CSNK1G3: variants seen among roughly 807,000 people sequenced by gnomAD.
CSNK1G3 encodes casein kinase 1 gamma 3.
A neutral mutation model predicts 64.3 loss-of-function variants in CSNK1G3; 23 were observed. That is an observed-to-expected ratio of 0.36 (90% confidence interval 0.26 to 0.51). The LOEUF (loss-of-function observed/expected upper bound fraction) is 0.51, where lower values mean the gene tolerates loss of function less well. CSNK1G3 is among the 20% of genes least tolerant of loss of function. The pLI is 0.96. For missense variants in CSNK1G3, 357 were observed against 510.5 expected, an observed-to-expected ratio of 0.70 and a Z score of 2.90; for synonymous variants, 158 against 162.2, an observed-to-expected ratio of 0.97 and a Z score of 0.20.
At chr5:123,568,632 T>G (rs542741377) in intron 4 of CSNK1G3, among the ~76,000 whole-genome samples, 1 of 152,352 alleles carries the variant, frequency 6.6e-6, no homozygotes, top group South Asian at 2.1e-4. Context: ...TCAGCTTTGA[T>G]GATTGCCCTC....
intron 1 of CSNK1G3, among the ~76,000 whole-genome samples, chr5:123,533,686 T>A (rs1463808319): frequency 6.6e-6 from 1 of 151,982 alleles, no homozygotes; most frequent in Non-Finnish European, 1.5e-5. Context: ...CATTATTTTC[T>A]TATATATTTA....
chr5:123,514,038 T>C (rs985816374), intron 1 of CSNK1G3, among the ~76,000 whole-genome samples: 10 of 152,226 alleles, frequency 6.6e-5, no homozygotes, highest in African/African-American at 9.6e-5. Context: ...TTATGGACAT[T>C]GGAAGAAAGA....
chr5:123,527,838 T>A (rs1282665670), intron 1 of CSNK1G3, among the ~76,000 whole-genome samples: 1 of 152,142 alleles, frequency 6.6e-6, no homozygotes, highest in Non-Finnish European at 1.5e-5. Context: ...TTATTTTAGG[T>A]TTTTTTCTTT....
At chr5:123,529,094 A>G (rs1220016206) in intron 1 of CSNK1G3, among the ~76,000 whole-genome samples, 7 of 152,114 alleles carry the variant, frequency 4.6e-5, no homozygotes, top group African/African-American at 7.2e-5. Context: ...AGTGCAAGAG[A>G]GGTGTGATAA....
intron 10 of CSNK1G3, among the ~76,000 whole-genome samples, chr5:123,593,808 A>G (rs1792897605): frequency 6.6e-6 from 1 of 152,224 alleles, no homozygotes; most frequent in East Asian, 1.9e-4. Flanking sequence ...GTGCCAGAAC[A>G]TGTATTCATG....
At chr5:123,591,172 C>A in intron 9 of CSNK1G3, 147 bp from the exon 10 acceptor site, 1 of 447,172 alleles carries the variant, frequency 2.2e-6, no homozygotes, top group Admixed American at 4.2e-5. Context: ...GCTTTAACAA[C>A]ATATTTTGAT....
chr5:123,600,806 G>C (rs1290396649), intron 10 of CSNK1G3, among the ~76,000 whole-genome samples: 1 of 151,752 alleles, frequency 6.6e-6, no homozygotes, highest in Non-Finnish European at 1.5e-5. Flanking sequence ...GATTTGTCAG[G>C]CATCTGTTAA....
intron 6 of CSNK1G3, among the ~76,000 whole-genome samples, chr5:123,586,855 C>A (rs967077919): frequency 6.6e-6 from 1 of 152,168 alleles, no homozygotes; most frequent in Non-Finnish European, 1.5e-5. Context: ...AATGGACTTA[C>A]AGTTCCACAT....
exon 13 of CSNK1G3, chr5:123,616,439 ATATT>A (rs1482069895): frequency 6.6e-6 from 1 of 152,628 alleles, no homozygotes; most frequent in Non-Finnish European, 1.5e-5. Context: ...GAAGGTGTGT[ATATT>A]AATCCAATTA....
At chr5:123,606,270 A>G (rs1238412609) in intron 12 of CSNK1G3, among the ~76,000 whole-genome samples, 2 of 152,122 alleles carry the variant, frequency 1.3e-5, no homozygotes, top group African/African-American at 2.4e-5. Flanking sequence ...ATATACTTGT[A>G]TATTTTTATG....
In CSNK1G3 at chr5:123,588,029, T is replaced by C. The variant is rs771972676; in HGVS notation, c.674-39T>C. The C allele has an allele frequency of 1.1e-5, 15 of 1,318,326 alleles. No homozygotes were observed. In the East Asian group the frequency reaches 3.6e-4, roughly 31 times the overall value. 81.7% of individuals were successfully genotyped at this position (1,318,326 alleles called of 1,614,324 possible). A position where few individuals can be genotyped will look rare whatever the true frequency, so the allele number is the denominator to read the frequency against. On this transcript the variant is annotated intron_variant, in intron 6 of 12. Coordinates refer to ENST00000345990, the Ensembl canonical transcript of CSNK1G3. ...CTCTCCATTCTTCCATTCTTAACTG[T>C]TAGAGAAAAGTGAAATTTATATTTC...
At chr5:123,603,642 A>C (rs1794862751) in intron 10 of CSNK1G3, among the ~76,000 whole-genome samples, 1 of 152,168 alleles carries the variant, frequency 6.6e-6, no homozygotes, top group African/African-American at 2.4e-5. Context: ...TCAGCATAGA[A>C]ATTTTTAGCT....
chr5:123,565,203 G>A (rs989542699), intron 4 of CSNK1G3, among the ~76,000 whole-genome samples: 1 of 152,120 alleles, frequency 6.6e-6, no homozygotes, highest in Non-Finnish European at 1.5e-5. Flanking sequence ...CATATCTTCT[G>A]CATTTAATAC....
intron 6 of CSNK1G3, among the ~76,000 whole-genome samples, chr5:123,578,004 A>G (rs1789516484): frequency 6.6e-6 from 1 of 152,026 alleles, no homozygotes; most frequent in Non-Finnish European, 1.5e-5. Context: ...AATGTCTTTA[A>G]GATTCATTTA....
In CSNK1G3 at chr5:123,535,070, G is replaced by A. The variant is rs144831293; in HGVS notation, c.-247-10347G>A. On this transcript the variant is annotated intron_variant, in intron 1 of 12. Transcript: ENST00000345990. ...ATTGGTAATAAAAAATAAGTACGAT[G>A]TAGCGGTAGGTTATGTGTGTGGCAC... is the stretch of plus-strand genomic sequence containing the variant. 6.0e-3 allele frequency among the ~76,000 whole-genome samples: 907 copies of A among 152,230 alleles called. 8 individuals carry two copies. Among genetic ancestry groups the A allele is most frequent in the Middle Eastern group, 0.014 (4 of 294 alleles).
chr5:123,568,778 A>C (rs1261775692), intron 4 of CSNK1G3, among the ~76,000 whole-genome samples: 1 of 152,202 alleles, frequency 6.6e-6, no homozygotes, highest in Non-Finnish European at 1.5e-5. Flanking sequence ...TGCATTGCTG[A>C]TGTTGCATGT....
chr5:123,609,005 G>C (rs1795844829), intron 12 of CSNK1G3, among the ~76,000 whole-genome samples: 1 of 152,134 alleles, frequency 6.6e-6, no homozygotes. Context: ...TCAAAGATGA[G>C]AATGATTTGG....
At chr5:123,556,462 C>T (rs1467400398) in intron 3 of CSNK1G3, among the ~76,000 whole-genome samples, 2 of 151,962 alleles carry the variant, frequency 1.3e-5, no homozygotes, top group African/African-American at 2.4e-5. Context: ...TGATCCTTTT[C>T]TTCTGTTTTC....
At chr5:123,518,112 T>C (rs1777497554) in intron 1 of CSNK1G3, among the ~76,000 whole-genome samples, 1 of 152,186 alleles carries the variant, frequency 6.6e-6, no homozygotes, top group Non-Finnish European at 1.5e-5. Flanking sequence ...GGGTAAGCCT[T>C]CTTATAGTTC....
Sources: gnomAD v4.1 joint callset for allele counts (sites outside exome capture counted in the v4.1 genomes callset) on GRCh38, gnomAD v4.1.1 for gene constraint, MANE v1.5 for transcripts, NCBI Gene and HGNC (gene_info 2026-07-23, HGNC 2026-07-21) for gene names.